JAZF1: variants seen among roughly 807,000 people sequenced by gnomAD.
JAZF1 encodes the protein JAZF zinc finger 1, also known as juxtaposed with another zinc finger protein 1.
In JAZF1, 8 loss-of-function variants were observed where a neutral mutation model predicts 26.4. That is an observed-to-expected ratio of 0.30 (90% CI 0.18 to 0.55). The LOEUF (loss-of-function observed/expected upper bound fraction) is 0.55, where lower values mean the gene tolerates loss of function less well. Among genes scored for constraint, JAZF1 ranks in the 20% least tolerant of loss-of-function variants. JAZF1 has a pLI of 0.94. For synonymous variants in JAZF1, 126 were observed against 122.3 expected (o/e 1.03, Z -0.20); for missense variants, 199 against 322.0 (o/e 0.62, Z 2.92).
chr7:27,942,425 A>G (rs1486670873), intron 2 of JAZF1, among the ~76,000 whole-genome samples: 1 of 152,228 alleles, frequency 6.6e-6, no homozygotes, highest in East Asian at 1.9e-4. Flanking sequence ...ACATTTTGCA[A>G]CCTGCCTTGG....
intron 1 of JAZF1, among the ~76,000 whole-genome samples, chr7:28,059,494 C>T (rs1055610886): frequency 2.6e-5 from 4 of 152,158 alleles, no homozygotes; most frequent in Non-Finnish European, 5.9e-5. Context: ...GACTGACATG[C>T]TATAAACAAC....
chr7:27,866,865 C>T (rs919229912), intron 3 of JAZF1, among the ~76,000 whole-genome samples: 26 of 152,168 alleles, frequency 1.7e-4, no homozygotes, highest in Admixed American at 7.9e-4. Flanking sequence ...AAAGAAGACA[C>T]GCTGTCTCTC....
intron 2 of JAZF1, among the ~76,000 whole-genome samples, chr7:27,981,184 T>G (rs1357262104): frequency 1.3e-5 from 2 of 152,204 alleles, no homozygotes; most frequent in Admixed American, 1.3e-4. Flanking sequence ...ATTCCATATT[T>G]TCTCAGGTTT....
chr7:27,840,890 G>C lies in JAZF1; in HGVS notation c.386-23C>G. On this transcript the variant is annotated intron_variant, in intron 3 of 4. Coordinates refer to ENST00000283928, the MANE Select transcript of JAZF1 (RefSeq NM_175061.4). This position sits in a 1 kb window ranked among gnomAD's most constrained non-coding sequence, Gnocchi z 5.1. ...TGCCTGCAGGACAAGAGAAGTGCAA[G>C]GACTGTCAGGAGCGCTCATCTCCCC... The C allele has an allele frequency of 6.2e-7, 1 of 1,612,208 alleles. No individual in the cohort carries two copies. Among genetic ancestry groups the C allele is most frequent in the Non-Finnish European group, 8.5e-7 (1 of 1,179,062 alleles).
chr7:28,126,114 T>C (rs898263222), intron 1 of JAZF1, among the ~76,000 whole-genome samples: 2 of 152,176 alleles, frequency 1.3e-5, no homozygotes, highest in Non-Finnish European at 2.9e-5. Flanking sequence ...AGGAAGGGGT[T>C]AGGGGTGGGA....
At chr7:28,086,813 CTT>C (rs1474750914) in intron 1 of JAZF1, among the ~76,000 whole-genome samples, 1 of 152,100 alleles carries the variant, frequency 6.6e-6, no homozygotes, top group Admixed American at 6.5e-5. Context: ...AGTGTAAAGA[CTT>C]AACACATCTG....
chr7:28,074,301 A>C (rs1784020387), intron 1 of JAZF1, among the ~76,000 whole-genome samples: 1 of 152,246 alleles, frequency 6.6e-6, no homozygotes, highest in Non-Finnish European at 1.5e-5. Flanking sequence ...TTTCATAGGA[A>C]TAATTCCAAA....
chr7:28,000,967 AG>A (rs1786143815), intron 1 of JAZF1, among the ~76,000 whole-genome samples: 1 of 152,224 alleles, frequency 6.6e-6, no homozygotes, highest in South Asian at 2.1e-4. Flanking sequence ...CATTTAAAAA[AG>A]ACATTGAATT....
At chr7:28,063,466 T>C (rs377197597) in intron 1 of JAZF1, among the ~76,000 whole-genome samples, 1 of 152,092 alleles carries the variant, frequency 6.6e-6, no homozygotes, top group African/African-American at 2.4e-5. Context: ...GCAGGGAGAC[T>C]TCATAGCAAA....
At chr7:27,988,772 C>A (rs1056889744) in intron 2 of JAZF1, among the ~76,000 whole-genome samples, 13 of 151,884 alleles carry the variant, frequency 8.6e-5, no homozygotes, top group Non-Finnish European at 1.5e-4. Context: ...AAATTGCATA[C>A]ATACTATTTT....
intron 1 of JAZF1, among the ~76,000 whole-genome samples, chr7:28,049,569 C>T (rs1043338222): frequency 1.3e-5 from 2 of 152,118 alleles, no homozygotes; most frequent in African/African-American, 4.8e-5. Flanking sequence ...GTAAAGGGCT[C>T]AGTCCTGCAA....
intron 1 of JAZF1, among the ~76,000 whole-genome samples, chr7:28,178,296 C>T (rs1016867317): frequency 6.6e-6 from 1 of 152,000 alleles, no homozygotes; most frequent in Non-Finnish European, 1.5e-5. Context: ...TTTAAACCAT[C>T]TCAAACTAAA....
chr7:28,034,087 G>T (rs184760288), intron 1 of JAZF1, among the ~76,000 whole-genome samples: 1 of 152,150 alleles, frequency 6.6e-6, no homozygotes, highest in Admixed American at 6.5e-5. Context: ...TGGTGCATAA[G>T]AAATACCAAT....
intron 3 of JAZF1, chr7:27,846,373 G>A (rs1038653027): frequency 3.5e-5 from 10 of 283,002 alleles, no homozygotes; most frequent in Non-Finnish European, 6.9e-5. Context: ...ATATGTATAC[G>A]TACATGTACG....
intron 2 of JAZF1, among the ~76,000 whole-genome samples, chr7:27,949,589 C>A (rs1784976019): frequency 1.3e-5 from 2 of 152,030 alleles, no homozygotes; most frequent in Non-Finnish European, 2.9e-5. Context: ...ATGGTGAAAC[C>A]CTGTCTCTAC....
Position 28,180,589 on chromosome 7 carries a change from G to T in JAZF1, c.-12C>A, listed in dbSNP as rs554225874. 6.3e-7 allele frequency: 1 copy of T among 1,598,118 alleles called. No homozygotes were observed. The highest frequency in any genetic ancestry group is 1.7e-4 in the Middle Eastern group (1 of 5,890). On this transcript the variant is annotated 5_prime_UTR_variant, in exon 1 of 5. Transcript: ENST00000283928. ...GCGATGCCTGTCATGGTGCTACATC[G>T]AGAGCCCCCCTGGTGTCGGCTCTGC...
intron 2 of JAZF1, among the ~76,000 whole-genome samples, chr7:27,964,378 A>G (rs1382579963): frequency 6.6e-6 from 1 of 152,162 alleles, no homozygotes; most frequent in Admixed American, 6.5e-5. Flanking sequence ...GGTGAACTCT[A>G]TCTTATGGAA....
intron 2 of JAZF1, among the ~76,000 whole-genome samples, chr7:27,965,729 A>G (rs1785262184): frequency 6.6e-6 from 1 of 152,216 alleles, no homozygotes; most frequent in South Asian, 2.1e-4. Context: ...AATGAAAGAG[A>G]AAAACAAAGC....
chr7:27,880,739 A>T (rs1783754790), intron 3 of JAZF1, among the ~76,000 whole-genome samples: 1 of 152,138 alleles, frequency 6.6e-6, no homozygotes, highest in Non-Finnish European at 1.5e-5. Flanking sequence ...ATCTAGGCTC[A>T]CTGCAGCCTC....
Sources: gnomAD v4.1 joint callset for allele counts (sites outside exome capture counted in the v4.1 genomes callset) on GRCh38, gnomAD v4.1.1 for gene constraint, Gnocchi (gnomAD v3.1) non-coding constraint, MANE v1.5 for transcripts, NCBI Gene and HGNC (gene_info 2026-07-23, HGNC 2026-07-21) for gene names.